CHN2: variants seen among roughly 807,000 people sequenced by gnomAD.
The protein encoded by CHN2 is chimerin 2, also known as beta-chimaerin.
Under a neutral mutation model 56.3 loss-of-function variants are expected in CHN2, and 35 were observed. The observed-to-expected ratio is 0.62, with a 90% CI of 0.47 to 0.82. The LOEUF (loss-of-function observed/expected upper bound fraction) is 0.82, where lower values mean the gene tolerates loss of function less well. Among genes scored for constraint, CHN2 ranks in the 40% least tolerant of loss-of-function variants. CHN2 has a pLI of 0.00. For missense variants in CHN2, 491 were observed against 580.5 expected (o/e 0.85, Z 1.58); for synonymous variants, 210 against 212.8 (o/e 0.99, Z 0.12).
At chr7:29,457,505 C>G (rs1178216147) in intron 6 of CHN2, among the ~76,000 whole-genome samples, 1 of 152,128 alleles carries the variant, frequency 6.6e-6, no homozygotes, top group Non-Finnish European at 1.5e-5. Flanking sequence ...ACTCACATAA[C>G]AAAGTATGTT....
At chr7:29,166,654 G>C (rs1795955040) in intron 2 of CHN2, among the ~76,000 whole-genome samples, 1 of 152,008 alleles carries the variant, frequency 6.6e-6, no homozygotes, top group East Asian at 1.9e-4. Context: ...TGGCAAAAAA[G>C]ATGGTTGTAA....
rs1366228860 is a variant in CHN2 at position 29,146,926 on chromosome 7, G to T, written c.240G>T (p.Thr80=). 5.2e-6 allele frequency: 8 copies of T among 1,551,052 alleles called. No individual in the cohort carries two copies. In the East Asian group the frequency reaches 7.3e-5, roughly 14 times the overall value. The change falls in exon 2 of 7, where the codon ACG becomes ACT. Residue 80 remains threonine (T), a synonymous_variant. Transcript: ENST00000439384. ...CCCACTGTTTAAAAAGGCAACACAC[G>T]TTCGCTGATGGTCTACATTCCAGCT...
intron 1 of CHN2, among the ~76,000 whole-genome samples, chr7:29,230,520 T>G (rs997834106): frequency 6.6e-6 from 1 of 152,170 alleles, no homozygotes; most frequent in African/African-American, 2.4e-5. Context: ...TTTGTACTTT[T>G]AGTAGAGACG....
chr7:29,365,570 G>A (rs557783500), intron 2 of CHN2, among the ~76,000 whole-genome samples: 1 of 152,290 alleles, frequency 6.6e-6, no homozygotes, highest in South Asian at 2.1e-4. Context: ...ATGATAAGGG[G>A]CAGATAACAA....
chr7:29,181,417 GA>G (rs1487093346), intron 2 of CHN2: 2 of 152,136 alleles, frequency 1.3e-5, no homozygotes, highest in Admixed American at 6.5e-5. Context: ...TCAAGCCTAA[GA>G]AAATAAACAG....
intron 1 of CHN2, among the ~76,000 whole-genome samples, chr7:29,306,753 C>T (rs1012646458): frequency 3.9e-5 from 6 of 152,216 alleles, no homozygotes; most frequent in African/African-American, 1.4e-4. Context: ...TTGCCGTGAA[C>T]TCCCTCCTGT....
rs545363471 is a variant in CHN2 at position 29,233,024 on chromosome 7, C to T, written c.49+38034C>T. ...CAACGATTTATATTACTTTTGTTTA[C>T]TTAATTAAAGCCCCCTCTTGCTTTG... On this transcript the variant is annotated intron_variant, in intron 1 of 12. Transcript: ENST00000222792. 2.0e-5 allele frequency among the ~76,000 whole-genome samples: 3 copies of T among 152,202 alleles called. No homozygotes were observed. The South Asian group carries it at 6.2e-4, about 32-fold the overall frequency.
At chr7:29,163,415 A>G (rs573386845) in intron 2 of CHN2, among the ~76,000 whole-genome samples, 4 of 152,278 alleles carry the variant, frequency 2.6e-5, no homozygotes, top group African/African-American at 4.8e-5. Flanking sequence ...TAGATAATTT[A>G]AAATTACATA....
At chr7:29,319,347 T>A (rs1286902817) in intron 1 of CHN2, among the ~76,000 whole-genome samples, 2 of 152,158 alleles carry the variant, frequency 1.3e-5, no homozygotes, top group Non-Finnish European at 2.9e-5. Flanking sequence ...GTTGAGTGAT[T>A]TCTACATGTT....
At chr7:29,498,637 A>T (rs1478934868) in intron 8 of CHN2, among the ~76,000 whole-genome samples, 2 of 151,946 alleles carry the variant, frequency 1.3e-5, no homozygotes, top group Admixed American at 6.6e-5. Flanking sequence ...CGTGTGTGTT[A>T]TTCTTTGTGC....
At chr7:29,353,585 C>T (rs569743647) in intron 1 of CHN2, among the ~76,000 whole-genome samples, 15 of 152,012 alleles carry the variant, frequency 9.9e-5, no homozygotes, top group African/African-American at 3.6e-4. Context: ...ACCCAGGATG[C>T]GAAGGTTGCA....
intron 3 of CHN2, among the ~76,000 whole-genome samples, chr7:29,389,411 T>G (rs983135620): frequency 2.0e-5 from 3 of 152,230 alleles, no homozygotes; most frequent in African/African-American, 7.2e-5. Context: ...ATTCTGACTT[T>G]AGTATATGCT....
chr7:29,507,215 G>T lies in CHN2; in HGVS notation c.992-13G>T. The T allele has an allele frequency of 6.3e-7, 1 of 1,595,406 alleles. No individual in the cohort carries two copies. The highest frequency in any genetic ancestry group is 8.5e-7 in the Non-Finnish European group (1 of 1,173,790). ...GGTCCTAATTAGGACTTGGATCACT[G>T]ATTGTTTTTCAGATGGTGAAAAGGC... On this transcript the variant is annotated splice_polypyrimidine_tract_variant and intron_variant, in intron 10 of 12. Coordinates refer to ENST00000222792, the MANE Select transcript of CHN2 (RefSeq NM_004067.4).
chr7:29,251,783 G>A (rs897038860), intron 1 of CHN2, among the ~76,000 whole-genome samples: 5 of 152,184 alleles, frequency 3.3e-5, no homozygotes, highest in African/African-American at 4.8e-5. Context: ...CTGTGAAAAC[G>A]AAGCCAGATT....
Position 29,495,934 on chromosome 7 carries a change from C to A in CHN2, c.655-18C>A. 1 of 1,609,908 alleles carries A rather than the reference C, an allele frequency of 6.2e-7. No homozygotes were observed. Among genetic ancestry groups the A allele is most frequent in the Non-Finnish European group, 8.5e-7 (1 of 1,177,208 alleles). The stretch of plus-strand genomic sequence containing the variant: ...TGACTCTGAGCTTTCTGACATTTTT[C>A]TTCTTTTTGGATCACAGGTCCACAC... On this transcript the variant is annotated intron_variant, in intron 7 of 12. Transcript: ENST00000222792.
At chr7:29,430,733 A>T (rs1264046142) in intron 6 of CHN2, among the ~76,000 whole-genome samples, 1 of 151,538 alleles carries the variant, frequency 6.6e-6, no homozygotes, top group Non-Finnish European at 1.5e-5. Flanking sequence ...GCCAAGCTTA[A>T]CTTAACAGAG....
intron 6 of CHN2, among the ~76,000 whole-genome samples, chr7:29,424,835 C>A (rs1015081840): frequency 1.3e-5 from 2 of 152,146 alleles, no homozygotes; most frequent in African/African-American, 4.8e-5. Flanking sequence ...GGTCAGACAG[C>A]CACCCTCCCT....
chr7:29,178,994 C>T (rs575061999), intron 2 of CHN2, among the ~76,000 whole-genome samples: 2 of 152,274 alleles, frequency 1.3e-5, no homozygotes, highest in South Asian at 4.2e-4. Context: ...AGCATTTGCA[C>T]CTCCTCAGTT....
intron 1 of CHN2, among the ~76,000 whole-genome samples, chr7:29,303,234 G>A (rs1391992254): frequency 2.6e-5 from 4 of 152,176 alleles, no homozygotes; most frequent in African/African-American, 7.2e-5. Context: ...TTCATGATAC[G>A]CTTGATGCAT....
Sources: gnomAD v4.1 joint callset for allele counts (sites outside exome capture counted in the v4.1 genomes callset) on GRCh38, gnomAD v4.1.1 for gene constraint, MANE v1.5 for transcripts, NCBI Gene and HGNC (gene_info 2026-07-23, HGNC 2026-07-21) for gene names.